The following BICD2 variants were observed in gnomAD, a reference collection of about 807,000 sequenced individuals.
BICD2 encodes BICD cargo adaptor 2.
In BICD2, 25 loss-of-function variants were observed where a neutral mutation model predicts 72.9. The ratio of observed to expected loss-of-function variants is 0.34; its 90% CI spans 0.25 to 0.48. The LOEUF is 0.48. Ranked by LOEUF, BICD2 falls within the 20% of genes least tolerant of loss-of-function variation. BICD2 has a pLI of 0.99. For synonymous variants in BICD2, 501 were observed against 516.1 expected (o/e 0.97, Z 0.40); for missense variants, 894 against 1,175.2 (o/e 0.76, Z 3.50).
At position 92,715,406 on chromosome 9, in the gene BICD2, C is replaced by T. The variant is rs142205651; in HGVS notation, c.2316G>A (p.Glu772=). 1 of 1,606,356 alleles carries T rather than the reference C, an allele frequency of 6.2e-7. No individual in the cohort carries two copies. Among genetic ancestry groups the T allele is most frequent in the African/African-American group, 1.3e-5 (1 of 74,946 alleles). ...DEMQRQLAAA[E]DEKKTLNSLL... ...GCGAGTTCAGCGTCTTCTTCTCGTC[C>T]TCAGCAGCCGCCAGCTGCCGCTGCA... Residue 772 remains glutamate, a synonymous_variant, in exon 7 of 7, where the codon GAG becomes GAA. Coordinates refer to ENST00000356884, the MANE Select transcript of BICD2 (RefSeq NM_001003800.2).
In BICD2 at chr9:92,718,559, C is replaced by G; in HGVS notation, c.2086G>C (p.Val696Leu). 6.2e-7 allele frequency: 1 copy of G among 1,611,702 alleles called. No individual in the cohort carries two copies. The highest frequency in any genetic ancestry group is 8.5e-7 in the Non-Finnish European group (1 of 1,179,130). ...KREQITTLRT[V>L]LKANKQTAEV... ...CTCACCTGCTTGTTGGCCTTGAGCACAGTGCGCAGCGTGGTGATCTGCTCC... is the reference window on the plus strand; with the variant it reads ...CTCACCTGCTTGTTGGCCTTGAGCAGAGTGCGCAGCGTGGTGATCTGCTCC... The change falls in exon 5 of 7, where the codon GTG becomes CTG. Residue 696 changes from valine (V) to leucine (L), a missense_variant. By Grantham distance (32) the Val-to-Leu change is conservative (BLOSUM62 1). Coordinates refer to ENST00000356884, the MANE Select transcript of BICD2 (RefSeq NM_001003800.2).
At chr9:92,751,107 C>A (rs1854138517) in intron 1 of BICD2, among the ~76,000 whole-genome samples, 1 of 150,578 alleles carries the variant, frequency 6.6e-6, no homozygotes, top group African/African-American at 2.4e-5. Context: ...GATGAGGTTT[C>A]ACCATGTTGG....
chr9:92,748,588 G>C (rs544683828), intron 1 of BICD2, among the ~76,000 whole-genome samples: 1 of 152,168 alleles, frequency 6.6e-6, no homozygotes, highest in African/African-American at 2.4e-5. Flanking sequence ...CAGACACAAT[G>C]ACCCACCCAG....
At chr9:92,722,955 G>A (rs1216953908) in intron 2 of BICD2, 147 bp from the exon 3 acceptor site, 6 of 979,592 alleles carry the variant, frequency 6.1e-6, no homozygotes, top group Non-Finnish European at 7.6e-6. Flanking sequence ...CTGGAGAGGA[G>A]AGGGAGCCCA....
intron 6 of BICD2, among the ~76,000 whole-genome samples, chr9:92,717,082 T>C (rs1330403736): frequency 6.6e-6 from 1 of 152,244 alleles, no homozygotes; most frequent in African/African-American, 2.4e-5. Context: ...ATCTTCCTTC[T>C]GAATCTACAA....
Position 92,714,765 on chromosome 9 carries a change from T to C in BICD2, c.*389A>G, listed in dbSNP as rs1399941530. ...TGACATTAGACACATGCGAGGAACA[T>C]GCAAGTCTCAACTCAGGTTCTGCCC... On this transcript the variant is annotated 3_prime_UTR_variant, in exon 7 of 7. Transcript: ENST00000356884. 3 of 1,021,754 alleles carry C rather than the reference T, an allele frequency of 2.9e-6. No individual in the cohort carries two copies. The highest frequency in any genetic ancestry group is 3.5e-6 in the Non-Finnish European group (3 of 854,460). 63.3% of individuals were successfully genotyped at this position (1,021,754 alleles called of 1,614,324 possible).
In BICD2 at chr9:92,718,903, C is replaced by T. The variant is rs201771783; in HGVS notation, c.1742G>A (p.Arg581His). The T allele has an allele frequency of 1.0e-4, 162 of 1,596,898 alleles. No individual in the cohort carries two copies. Among genetic ancestry groups the T allele is most frequent in the Non-Finnish European group, 1.3e-4 (147 of 1,172,802 alleles). Reference protein sequence around the residue: ...GRTSPEARGRRSPILLPKGLL... With the variant: ...GRTSPEARGRHSPILLPKGLL... ...CCCCTTGGGTAGGAGGATGGGTGAGCGCCGGCCACGCGCCTCGGGGCTGGT... is the reference window on the plus strand; with the variant it reads ...CCCCTTGGGTAGGAGGATGGGTGAGTGCCGGCCACGCGCCTCGGGGCTGGT... The change falls in exon 5 of 7, where the codon CGC (arginine) becomes CAC (histidine). Residue 581 changes from arginine (R) to histidine (H), a missense_variant. Physicochemically the swap from Arg to His is conservative, Grantham distance 29 (BLOSUM62 0). Coordinates refer to ENST00000356884, the MANE Select transcript of BICD2 (RefSeq NM_001003800.2).
At chr9:92,741,575 T>C (rs1853897718) in intron 1 of BICD2, among the ~76,000 whole-genome samples, 1 of 152,260 alleles carries the variant, frequency 6.6e-6, no homozygotes, top group Non-Finnish European at 1.5e-5. Context: ...GTGGATGTGG[T>C]AATTTTCTTT....
intron 1 of BICD2, among the ~76,000 whole-genome samples, chr9:92,737,949 T>C (rs1212682111): frequency 1.3e-5 from 2 of 152,194 alleles, no homozygotes; most frequent in Non-Finnish European, 2.9e-5. Context: ...TCTGAACCCC[T>C]GGACAAGAAT....
At chr9:92,726,373 G>C (rs1853567801) in intron 2 of BICD2, among the ~76,000 whole-genome samples, 1 of 152,158 alleles carries the variant, frequency 6.6e-6, no homozygotes. Flanking sequence ...GGCTGTTGTG[G>C]GTAGCAGGGT....
intron 1 of BICD2, among the ~76,000 whole-genome samples, chr9:92,738,186 G>T (rs1398492397): frequency 6.6e-6 from 1 of 152,224 alleles, no homozygotes; most frequent in African/African-American, 2.4e-5. Flanking sequence ...GGGCTACGGG[G>T]CCAAGTTCCC....
intron 1 of BICD2, among the ~76,000 whole-genome samples, chr9:92,750,160 T>C (rs528729470): frequency 2.6e-5 from 4 of 152,352 alleles, no homozygotes; most frequent in African/African-American, 7.2e-5. Flanking sequence ...GGATGAACTA[T>C]GAGGGTGGAG....
intron 1 of BICD2, among the ~76,000 whole-genome samples, chr9:92,742,441 G>A (rs1014325117): frequency 1.3e-5 from 2 of 149,338 alleles, no homozygotes; most frequent in African/African-American, 2.5e-5. Flanking sequence ...CTGGAGTGCA[G>A]TGGCGCGATC....
chr9:92,721,128 C>T (rs893255571), intron 3 of BICD2, among the ~76,000 whole-genome samples: 2 of 152,192 alleles, frequency 1.3e-5, no homozygotes, highest in African/African-American at 4.8e-5. Flanking sequence ...TAGAAGGCTG[C>T]CAACCTTGTA....
intron 6 of BICD2, among the ~76,000 whole-genome samples, chr9:92,716,708 GAC>G (rs1853321863): frequency 6.6e-6 from 1 of 152,234 alleles, no homozygotes; most frequent in Non-Finnish European, 1.5e-5. Flanking sequence ...GAAAGTGAAA[GAC>G]AGCGGTACCT....
intron 1 of BICD2, among the ~76,000 whole-genome samples, chr9:92,741,720 G>C (rs753485125): frequency 1.3e-5 from 2 of 152,158 alleles, no homozygotes; most frequent in African/African-American, 4.8e-5. Flanking sequence ...AGATGCATTT[G>C]AGTTACCCAC....
intron 1 of BICD2, among the ~76,000 whole-genome samples, chr9:92,741,928 T>C (rs145891069): frequency 0.012 from 1,827 of 152,342 alleles, 21 homozygotes; most frequent in Non-Finnish European, 0.021. Context: ...AATTAAACTG[T>C]TGAGTTATGA....
intron 1 of BICD2, among the ~76,000 whole-genome samples, chr9:92,755,294 A>G (rs1204563890): frequency 6.6e-6 from 1 of 152,232 alleles, no homozygotes; most frequent in East Asian, 1.9e-4. Flanking sequence ...GATGTTATCA[A>G]TAACAATGGT....
At chr9:92,751,132 T>A (rs1195210358) in intron 1 of BICD2, among the ~76,000 whole-genome samples, 1 of 149,030 alleles carries the variant, frequency 6.7e-6, no homozygotes, top group African/African-American at 2.4e-5. Flanking sequence ...GGTGGTTGGT[T>A]TTTTGTTGTT....
Sources: allele counts gnomAD v4.1 joint callset (sites outside exome capture counted in the v4.1 genomes callset), GRCh38; gene constraint gnomAD v4.1.1; transcripts MANE v1.5; gene names NCBI Gene and HGNC (gene_info 2026-07-23, HGNC 2026-07-21).